POR: variants seen among roughly 807,000 people sequenced by gnomAD.
POR encodes the protein NADPH--cytochrome P450 reductase.
Under a neutral mutation model 84.0 loss-of-function variants are expected in POR, and 56 were observed. The ratio of observed to expected loss-of-function variants is 0.67; its 90% CI spans 0.54 to 0.83. The LOEUF (loss-of-function observed/expected upper bound fraction) is 0.83. Ranked by LOEUF, POR falls within the 40% of genes least tolerant of loss-of-function variation. POR has a pLI of 0.00. For synonymous variants in POR, 414 were observed against 400.5 expected, an observed-to-expected ratio of 1.03 and a Z score of -0.40; for missense variants, 938 against 944.3, an observed-to-expected ratio of 0.99 and a Z score of 0.09.
chr7:75,951,130 C>T (rs1338278593), intron 1 of POR, among the ~76,000 whole-genome samples: 1 of 139,718 alleles, frequency 7.2e-6, no homozygotes, highest in Admixed American at 7.9e-5. Context: ...CACAGTGGCT[C>T]ACGCCTGTAA....
chr7:75,955,875 C>G (rs971376096), intron 2 of POR, among the ~76,000 whole-genome samples: 1 of 152,206 alleles, frequency 6.6e-6, no homozygotes, highest in African/African-American at 2.4e-5. Flanking sequence ...CATCAAATCC[C>G]GATTCCCTAT....
At chr7:75,917,155 C>G (rs533938006) in intron 1 of POR, among the ~76,000 whole-genome samples, 149 of 151,756 alleles carry the variant, frequency 9.8e-4, no homozygotes, top group Middle Eastern at 3.4e-3. Context: ...GCAGCCTCAA[C>G]CTCCAGGATT....
chr7:75,954,348 C>T (rs1181608529), intron 2 of POR, among the ~76,000 whole-genome samples, 168 bp downstream of exon 2: 1 of 152,070 alleles, frequency 6.6e-6, no homozygotes, highest in East Asian at 1.9e-4. Context: ...CTCCCTTAAT[C>T]ATCTCTTATG....
At chr7:75,951,107 A>G (rs1250188312) in intron 1 of POR, among the ~76,000 whole-genome samples, 1 of 127,076 alleles carries the variant, frequency 7.9e-6, no homozygotes, top group African/African-American at 3.0e-5. Flanking sequence ...AAAAAAGCCA[A>G]GTTGAGGCCA....
At chr7:75,948,034 G>A (rs1281857134) in intron 1 of POR, among the ~76,000 whole-genome samples, 1 of 152,178 alleles carries the variant, frequency 6.6e-6, no homozygotes, top group Non-Finnish European at 1.5e-5. Context: ...CCGCATGCCA[G>A]ACACAGAGGT....
chr7:75,964,438 G>A (rs1291638895), intron 2 of POR, among the ~76,000 whole-genome samples: 2 of 152,078 alleles, frequency 1.3e-5, no homozygotes, highest in Non-Finnish European at 2.9e-5. Context: ...CTCCCGAGTA[G>A]CTGGGATTAC....
intron 1 of POR, among the ~76,000 whole-genome samples, chr7:75,923,803 G>T (rs868914862): frequency 1.3e-5 from 2 of 151,656 alleles, no homozygotes; most frequent in African/African-American, 2.4e-5. Flanking sequence ...CAGGAGAATC[G>T]CTTGAACCCG....
chr7:75,954,584 A>G (rs1024678120), intron 2 of POR, among the ~76,000 whole-genome samples: 62 of 151,906 alleles, frequency 4.1e-4, no homozygotes, highest in African/African-American at 1.4e-3. Flanking sequence ...CCCAGGCTGG[A>G]GTGCAATGGC....
intron 3 of POR, among the ~76,000 whole-genome samples, chr7:75,974,700 T>C (rs544480549): frequency 3.0e-4 from 45 of 152,164 alleles, no homozygotes; most frequent in Middle Eastern, 3.4e-3. Flanking sequence ...CTAACTTTTG[T>C]ATTTTCAGTA....
intron 8 of POR, among the ~76,000 whole-genome samples, chr7:75,982,809 A>T (rs1554558320): frequency 6.6e-6 from 1 of 152,030 alleles, no homozygotes; most frequent in East Asian, 1.9e-4. Context: ...GCCTGGCTGG[A>T]GCGAGAAGCC....
At chr7:75,956,837 T>C (rs1787708341) in intron 2 of POR, among the ~76,000 whole-genome samples, 1 of 152,112 alleles carries the variant, frequency 6.6e-6, no homozygotes, top group South Asian at 2.1e-4. Context: ...GCGATTCTCG[T>C]GCCTCAGTCT....
chr7:75,955,689 A>T (rs1787656091), intron 2 of POR, among the ~76,000 whole-genome samples: 1 of 152,064 alleles, frequency 6.6e-6, no homozygotes, highest in Non-Finnish European at 1.5e-5. Context: ...TCTTCAGGGG[A>T]CCCAGTCCCA....
At chr7:75,953,960 T>G in intron 1 of POR, 29 bp from the exon 2 acceptor site, 1 of 1,528,326 alleles carries the variant, frequency 6.5e-7, no homozygotes. Flanking sequence ...TACCCTCTGC[T>G]GACATCTGCT....
intron 2 of POR, among the ~76,000 whole-genome samples, chr7:75,959,523 T>C (rs1470922992): frequency 6.6e-6 from 1 of 152,192 alleles, no homozygotes; most frequent in Admixed American, 6.5e-5. Context: ...TGGCGCGATA[T>C]CAGTTCACTG....
At position 75,985,836 on chromosome 7, in the gene POR, G is replaced by C. The variant is rs868908678; in HGVS notation, c.1656G>C (p.Trp552Cys). Reference sequence around the variant, plus strand: ...TAGGCTTCATCCAGGAGCGGGCCTGGCTGCGACAGCAGGGTGAGTGGGGTC... The same window carrying C: ...TAGGCTTCATCCAGGAGCGGGCCTGCCTGCGACAGCAGGGTGAGTGGGGTC... Residue 552 changes from tryptophan to cysteine, a missense_variant, in exon 13 of 16, where the codon TGG becomes TGC. Transcript: ENST00000461988. 1.3e-6 allele frequency: 2 copies of C among 1,550,346 alleles called. No homozygotes were observed. The highest frequency in any genetic ancestry group is 2.4e-5 in the South Asian group (2 of 83,782).
intron 1 of POR, among the ~76,000 whole-genome samples, chr7:75,953,745 G>A (rs1372507564): frequency 6.6e-6 from 1 of 152,138 alleles, no homozygotes; most frequent in Non-Finnish European, 1.5e-5. Context: ...GCCTTAGCTT[G>A]CACCCCAGGA....
At chr7:75,930,967 T>C (rs1807386438) in intron 1 of POR, among the ~76,000 whole-genome samples, 2 of 152,080 alleles carry the variant, frequency 1.3e-5, no homozygotes, top group Non-Finnish European at 2.9e-5. Context: ...GGACTACAGG[T>C]GTGCACCACC....
chr7:75,925,464 G>A lies in POR; in HGVS notation c.-5+10285G>A, dbSNP rs74907543. On this transcript the variant is annotated intron_variant, in intron 1 of 15. Transcript: ENST00000461988. Reference sequence around the variant, plus strand: ...CGCTTGAGCCTGAGAGTTCAAGGCTGTAGTAAGCTATGATTGCACCACGAC... The same window carrying A: ...CGCTTGAGCCTGAGAGTTCAAGGCTATAGTAAGCTATGATTGCACCACGAC... 9.4e-3 allele frequency among the ~76,000 whole-genome samples: 1,435 copies of A among 152,300 alleles called. 25 individuals carry two copies. The highest frequency in any genetic ancestry group is 0.03 in the African/African-American group (1,251 of 41,560).
intron 1 of POR, among the ~76,000 whole-genome samples, chr7:75,953,097 A>C (rs1481331359): frequency 2.6e-5 from 4 of 152,144 alleles, no homozygotes; most frequent in Non-Finnish European, 5.9e-5. Context: ...CTGGAGGATC[A>C]CTCGCGGTTA....
Sources: gnomAD v4.1 joint callset for allele counts (sites outside exome capture counted in the v4.1 genomes callset) on GRCh38, gnomAD v4.1.1 for gene constraint, MANE v1.5 for transcripts, NCBI Gene and HGNC (gene_info 2026-07-23, HGNC 2026-07-21) for gene names.